The following PCM1 variants were observed in gnomAD, a reference collection of about 807,000 sequenced individuals.
PCM1 encodes pericentriolar material 1 protein.
PCM1 carries 157 observed loss-of-function variants against 241.9 expected under a neutral mutation model. That is an observed-to-expected ratio of 0.65 (90% CI 0.57 to 0.74). The LOEUF is 0.74. PCM1 is among the 30% of genes least tolerant of loss of function. The pLI is 0.00. For missense variants in PCM1, 3,478 were observed against 2,360.1 expected, an observed-to-expected ratio of 1.47 and a Z score of -9.81; for synonymous variants, 1,085 against 784.9, an observed-to-expected ratio of 1.38 and a Z score of -6.39.
chr8:17,983,216 T>C, intron 24 of PCM1: 5 of 1,304,886 alleles, frequency 3.8e-6, no homozygotes, highest in Non-Finnish European at 5.0e-6. Flanking sequence ...CATCCTTATG[T>C]CTGCCCTTTC....
chr8:18,023,584 G>A (rs943978184), intron 36 of PCM1, among the ~76,000 whole-genome samples: 1 of 152,156 alleles, frequency 6.6e-6, no homozygotes, highest in South Asian at 2.1e-4. Context: ...ATTAGATATT[G>A]TTGCCCCAAA....
In PCM1 at chr8:17,985,959, G is replaced by A; in HGVS notation, c.4282G>A (p.Asp1428Asn). 6.6e-7 allele frequency: 1 copy of A among 1,522,418 alleles called. No homozygotes were observed. The highest frequency in any genetic ancestry group is 9.0e-7 in the Non-Finnish European group (1 of 1,114,606). The allele number at this position is 1,522,418 out of a possible 1,614,324, so 94.3% of individuals were successfully genotyped here. Residue 1428 changes from aspartate (D) to asparagine (N), a missense_variant and splice_region_variant, in exon 26 of 39, where the codon GAC becomes AAC. Asp to Asn is a conservative substitution (Grantham distance 23). Coordinates refer to ENST00000325083, the MANE Select transcript of PCM1 (RefSeq NM_006197.4). ...LRQRALYALQ[D>N]IVSRHISESH... Reference sequence around the variant, plus strand: ...ATGATGATCTTATTTTCTTATTTAGGACATAGTATCCAGACATATTTCTGA... The same window carrying A: ...ATGATGATCTTATTTTCTTATTTAGAACATAGTATCCAGACATATTTCTGA...
intron 21 of PCM1, 25 bp from the exon 22 acceptor site, chr8:17,969,552 C>T (rs1292053254): frequency 3.8e-5 from 56 of 1,489,354 alleles, no homozygotes; most frequent in East Asian, 1.2e-4. Context: ...TTATTTTTCT[C>T]TTACCCATTG....
chr8:17,937,412 A>T (rs377239530), intron 4 of PCM1, 33 bp downstream of exon 4: 11 of 1,491,336 alleles, frequency 7.4e-6, no homozygotes, highest in Non-Finnish European at 9.9e-6. Flanking sequence ...TGAAGCTATT[A>T]CTGTGAGAAA....
rs1430722864 is a variant in PCM1, at chr8:17,952,332, G to T, written c.1072-638G>T. Among the ~76,000 whole-genome samples, 4 of 152,188 alleles carry T rather than the reference G, an allele frequency of 2.6e-5. 1 individual carries two copies. In the South Asian group the frequency reaches 6.2e-4, roughly 24 times the overall value. ...GTTAAAGTTTACAGTGGTAGTTCTA[G>T]AAAGAAGGCAAGAGAGAGAATGAGA... On this transcript the variant is annotated intron_variant, in intron 8 of 38. Coordinates refer to ENST00000325083, the MANE Select transcript of PCM1 (RefSeq NM_006197.4).
At position 17,991,654 on chromosome 8, in the gene PCM1, G is replaced by A; in HGVS notation, c.4644G>A (p.Glu1548=). The A allele has an allele frequency of 1.3e-6, 2 of 1,564,254 alleles. No individual in the cohort carries two copies. Among genetic ancestry groups the A allele is most frequent in the Non-Finnish European group, 1.7e-6 (2 of 1,153,452 alleles). Residue 1548 remains glutamate (E), a synonymous_variant, in exon 28 of 39, where the codon GAG becomes GAA. Transcript: ENST00000325083. ...SNMRCTCRII[E]DGDGAGAGTT... is the part of the protein sequence containing the mutation. ...TGAGATGCACCTGCAGGATTATTGA[G>A]GATGGAGATGGTGCTGGTGCAGGTA...
intron 21 of PCM1, among the ~76,000 whole-genome samples, chr8:17,968,171 A>G (rs1407276362): frequency 6.6e-6 from 1 of 152,206 alleles, no homozygotes; most frequent in Non-Finnish European, 1.5e-5. Context: ...AAGCAATGAA[A>G]TAGTACATCA....
At chr8:17,960,784 A>C (rs568099789) in intron 15 of PCM1, among the ~76,000 whole-genome samples, 1 of 151,882 alleles carries the variant, frequency 6.6e-6, no homozygotes, top group East Asian at 1.9e-4. Flanking sequence ...TCAGCCTCCC[A>C]AAGTGCTGGG....
At chr8:17,966,285 C>G (rs1443022179) in intron 19 of PCM1, 43 bp from the exon 20 acceptor site, 7 of 1,608,502 alleles carry the variant, frequency 4.4e-6, no homozygotes, top group Admixed American at 1.7e-5. Context: ...ACAAATTTTT[C>G]TCAAGTCATC....
chr8:17,946,832 AGTGTGTGTGTGT>A (rs368892136), intron 6 of PCM1, among the ~76,000 whole-genome samples: 53 of 138,380 alleles, frequency 3.8e-4, no homozygotes, highest in Middle Eastern at 3.9e-3. Flanking sequence ...TAGATTCTTC[AGTGTGTGTGTGT>A]GTGTGTGTGT....
rs6984498 is a variant in PCM1 at position 17,974,244 on chromosome 8, A to G, written c.3943+1557A>G. Reference sequence around the variant, plus strand: ...CCAAGATTACTGTTGGTGCTACCAGAGAAGATTTAAGTAGATAATGGCCAT... The same window carrying G: ...CCAAGATTACTGTTGGTGCTACCAGGGAAGATTTAAGTAGATAATGGCCAT... On this transcript the variant is annotated intron_variant, in intron 23 of 38. Transcript: ENST00000325083. Among the ~76,000 whole-genome samples the G allele has an allele frequency of 2.6e-3, 395 of 152,160 alleles. 4 individuals carry two copies. The highest frequency in any genetic ancestry group is 4.5e-3 in the Non-Finnish European group (304 of 67,988).
At chr8:18,013,162 C>G (rs1172283533) in intron 34 of PCM1, among the ~76,000 whole-genome samples, 1 of 152,078 alleles carries the variant, frequency 6.6e-6, no homozygotes, top group Non-Finnish European at 1.5e-5. Flanking sequence ...GTCGTCCTGC[C>G]TGGAGTGTAT....
At chr8:17,938,675 G>T in intron 4 of PCM1, 65 bp from the exon 5 acceptor site, 1 of 1,188,890 alleles carries the variant, frequency 8.4e-7, no homozygotes, top group Non-Finnish European at 1.2e-6. Context: ...AAGAACATTG[G>T]GGTTAAAACA....
rs775083598 is a variant in PCM1, at chr8:18,006,330, C to T, written c.4895C>T (p.Thr1632Ile). The change falls in exon 30 of 39, where the codon ACC becomes ATC. Residue 1632 changes from threonine (T) to isoleucine (I), a missense_variant. Coordinates refer to ENST00000325083, the MANE Select transcript of PCM1 (RefSeq NM_006197.4). ...TSVRRMVLTL[T>I]QQNDESKEFV... ...GTAAGGCGCATGGTTTTGACCCTTA[C>T]CCAGCAAAATGATGAGAGCAAAGAG... is the stretch of plus-strand genomic sequence containing the variant. The T allele has an allele frequency of 1.2e-6, 2 of 1,612,910 alleles. No homozygotes were observed. Among genetic ancestry groups the T allele is most frequent in the Non-Finnish European group, 1.7e-6 (2 of 1,179,152 alleles).
chr8:18,017,065 G>C (rs754615425), intron 36 of PCM1, among the ~76,000 whole-genome samples: 2 of 152,196 alleles, frequency 1.3e-5, no homozygotes, highest in Non-Finnish European at 2.9e-5. Flanking sequence ...GACTACGGCA[G>C]GATGGCATAA....
chr8:17,962,073 T>C lies in PCM1; in HGVS notation c.2362T>C (p.Tyr788His). Residue 788 changes from tyrosine (Y) to histidine (H), a missense_variant, in exon 16 of 39, where the codon TAT becomes CAT. Tyr to His is a moderately conservative substitution (Grantham distance 83, BLOSUM62 2). Coordinates refer to ENST00000325083, the MANE Select transcript of PCM1 (RefSeq NM_006197.4). ...ASVGNCPTKK[Y>H]MPAVTSTPTV... is the part of the protein sequence containing the mutation. ...TGTGGGTAACTGTCCCACCAAAAAATATATGCCAGCTGTTACTTCAACCCC... is the reference window on the plus strand; with the variant it reads ...TGTGGGTAACTGTCCCACCAAAAAACATATGCCAGCTGTTACTTCAACCCC... The C allele has an allele frequency of 6.2e-7, 1 of 1,611,974 alleles. No homozygotes were observed. Among genetic ancestry groups the C allele is most frequent in the Non-Finnish European group, 8.5e-7 (1 of 1,178,806 alleles).
Position 17,955,486 on chromosome 8 carries a change from T to C in PCM1, c.1305T>C (p.Ser435=), listed in dbSNP as rs1312812185. The stretch of plus-strand genomic sequence containing the variant: ...CTTCTTCAGCCTCTCCACAAAGGAG[T>C]GTCGATCAGAGAAGTACTTCAGCTC... ...LNNSSSSPQR[S]VDQRSTSAPS... The change falls in exon 10 of 39, where the codon AGT becomes AGC. Residue 435 remains serine, a synonymous_variant. Transcript: ENST00000325083. 13 of 1,607,562 alleles carry C rather than the reference T, an allele frequency of 8.1e-6. No homozygotes were observed. Among genetic ancestry groups the C allele is most frequent in the African/African-American group, 5.4e-5 (4 of 74,654 alleles).
At chr8:17,972,870 A>G (rs192059973) in intron 23 of PCM1, among the ~76,000 whole-genome samples, 183 bp downstream of exon 23, 35 of 152,244 alleles carry the variant, frequency 2.3e-4, no homozygotes, top group African/African-American at 7.9e-4. Flanking sequence ...TATTCGAAAT[A>G]GGGTTTAATT....
At chr8:17,982,090 G>A (rs1031680428) in intron 24 of PCM1, among the ~76,000 whole-genome samples, 4 of 152,248 alleles carry the variant, frequency 2.6e-5, no homozygotes, top group South Asian at 4.1e-4. Context: ...CATCACATTT[G>A]TTTGCATTTT....
Sources: allele counts gnomAD v4.1 joint callset (sites outside exome capture counted in the v4.1 genomes callset), GRCh38; gene constraint gnomAD v4.1.1; transcripts MANE v1.5; gene names NCBI Gene and HGNC (gene_info 2026-07-23, HGNC 2026-07-21).